The following ATG4A variants were observed in gnomAD, a reference collection of about 807,000 sequenced individuals.
The protein encoded by ATG4A is cysteine protease ATG4A.
Under a neutral mutation model 38.4 loss-of-function variants are expected in ATG4A, and 22 were observed. The ratio of observed to expected loss-of-function variants is 0.57; its 90% CI spans 0.41 to 0.82. The LOEUF is 0.82. ATG4A is among the 40% of genes least tolerant of loss of function. The pLI is 0.00. For missense variants in ATG4A, 220 were observed against 290.0 expected (o/e 0.76, Z 1.75); for synonymous variants, 86 against 100.7 (o/e 0.85, Z 0.88).
intron 1 of ATG4A, among the ~76,000 whole-genome samples, chrX:108,116,865 G>A (rs1431015700): frequency 8.9e-6 from 1 of 111,888 alleles, no homozygotes; most frequent in Non-Finnish European, 1.9e-5. Context: ...TGATGAATTT[G>A]CTTAACTCTC....
chrX:108,089,825 C>A, upstream of ATG4A, among the ~76,000 whole-genome samples: 1 of 111,484 alleles, frequency 9.0e-6, no homozygotes, highest in Non-Finnish European at 1.9e-5. Flanking sequence ...AAGAGCGAAA[C>A]TCTGTTTCAA....
chrX:108,146,314 C>T (rs1276500904), intron 9 of ATG4A, among the ~76,000 whole-genome samples: 1 of 111,564 alleles, frequency 9.0e-6, no homozygotes, highest in Non-Finnish European at 1.9e-5. Flanking sequence ...ATGCAGTAGG[C>T]TTCCTATCAA....
At chrX:108,144,859 C>T (rs1251754201) in intron 9 of ATG4A, among the ~76,000 whole-genome samples, 1 of 112,034 alleles carries the variant, frequency 8.9e-6, no homozygotes, top group Admixed American at 9.5e-5. Flanking sequence ...CACATATGGC[C>T]GTTTCTCCTT....
intron 1 of ATG4A, among the ~76,000 whole-genome samples, chrX:108,122,030 A>G (rs771711905): frequency 3.8e-4 from 42 of 111,968 alleles, no homozygotes; most frequent in Non-Finnish European, 7.1e-4. Flanking sequence ...AGGTTATCCT[A>G]TATCTCAGAC....
chrX:108,132,437 TCA>T (rs1290728029), intron 4 of ATG4A, among the ~76,000 whole-genome samples: 3 of 111,824 alleles, frequency 2.7e-5, no homozygotes, highest in Admixed American at 9.5e-5. Flanking sequence ...CTGTGCAAAC[TCA>T]CAGATTTTGC....
intron 1 of ATG4A, among the ~76,000 whole-genome samples, chrX:108,113,712 G>A (rs1311834222): frequency 9.0e-6 from 1 of 111,678 alleles, no homozygotes; most frequent in Admixed American, 9.4e-5. Flanking sequence ...GGTGGCAAGA[G>A]AAAATGAGGA....
chrX:108,134,032 T>C (rs1463740015), intron 4 of ATG4A, 25 bp from the exon 5 acceptor site: 7 of 1,116,957 alleles, frequency 6.3e-6, no homozygotes, highest in Non-Finnish European at 8.5e-6. Context: ...AAAATGTTTC[T>C]AACCCATTTT....
intron 1 of ATG4A, among the ~76,000 whole-genome samples, chrX:108,110,832 C>T (rs1298656524): frequency 3.6e-5 from 4 of 112,125 alleles, no homozygotes; most frequent in African/African-American, 1.3e-4. Context: ...ATTAAGTCTT[C>T]CAGTCCTTCT....
upstream of ATG4A, among the ~76,000 whole-genome samples, chrX:108,089,545 A>T (rs761376074): frequency 2.7e-5 from 3 of 112,797 alleles, no homozygotes; most frequent in East Asian, 2.8e-4. Context: ...AAAAAATAAT[A>T]AGCTATGGCC....
At chrX:108,148,517 TACACACACACAC>T (rs368317060) in intron 9 of ATG4A, among the ~76,000 whole-genome samples, 2 of 94,949 alleles carry the variant, frequency 2.1e-5, no homozygotes, top group African/African-American at 7.8e-5. Flanking sequence ...TCCATGCACA[TACACACACACAC>T]ACACACACAC....
chrX:108,132,697 C>G (rs921824492), intron 4 of ATG4A, among the ~76,000 whole-genome samples: 7 of 108,806 alleles, frequency 6.4e-5, no homozygotes, highest in Non-Finnish European at 1.1e-4. Flanking sequence ...ATACATGCTT[C>G]TTGGTGTAGA....
At chrX:108,101,035 A>G (rs1264567992) in intron 1 of ATG4A, among the ~76,000 whole-genome samples, 2 of 108,907 alleles carry the variant, frequency 1.8e-5, no homozygotes, top group African/African-American at 6.7e-5. Flanking sequence ...GATGGTTTCA[A>G]TGAAGAATTT....
chrX:108,152,921 T>C, intron 11 of ATG4A, 58 bp from the exon 12 acceptor site: 1 of 927,886 alleles, frequency 1.1e-6, no homozygotes, highest in Non-Finnish European at 1.6e-6. Flanking sequence ...GGTCAAAGAT[T>C]GCCAATTAGA....
chrX:108,099,166 T>A (rs1339440541), intron 1 of ATG4A, among the ~76,000 whole-genome samples: 3 of 110,600 alleles, frequency 2.7e-5, no homozygotes, highest in Non-Finnish European at 5.7e-5. Flanking sequence ...TTCTCACTAT[T>A]TTTTTTTTAA....
intron 9 of ATG4A, among the ~76,000 whole-genome samples, chrX:108,145,373 T>G (rs1488309255): frequency 8.9e-6 from 1 of 112,612 alleles, no homozygotes; most frequent in East Asian, 2.8e-4. Context: ...GAAGGCAAAT[T>G]GCTTCTGGTG....
intron 9 of ATG4A, among the ~76,000 whole-genome samples, chrX:108,141,611 A>G (rs1451859305): frequency 9.0e-6 from 1 of 110,596 alleles, no homozygotes; most frequent in African/African-American, 3.3e-5. Context: ...GGCCAGGATG[A>G]CACTCTGGCC....
chrX:108,110,328 C>T (rs2032323229), intron 1 of ATG4A, among the ~76,000 whole-genome samples: 1 of 107,965 alleles, frequency 9.3e-6, no homozygotes, highest in Admixed American at 9.9e-5. Flanking sequence ...CGAGATTGTG[C>T]CACCGTACTC....
At chrX:108,135,261 G>A (rs2033067115) in intron 6 of ATG4A, among the ~76,000 whole-genome samples, 1 of 112,271 alleles carries the variant, frequency 8.9e-6, no homozygotes, top group Non-Finnish European at 1.9e-5. Context: ...TACTCAATAA[G>A]TGCTCGATGA....
intron 9 of ATG4A, among the ~76,000 whole-genome samples, chrX:108,148,990 C>G (rs1201006280): frequency 8.9e-6 from 1 of 112,671 alleles, no homozygotes; most frequent in Admixed American, 9.4e-5. Flanking sequence ...TACCATGAGG[C>G]AACTAGAACA....
Sources: gnomAD v4.1 joint callset for allele counts (sites outside exome capture counted in the v4.1 genomes callset) on GRCh38, gnomAD v4.1.1 for gene constraint, MANE v1.5 for transcripts, NCBI Gene and HGNC (gene_info 2026-07-23, HGNC 2026-07-21) for gene names.